FANCC: variants seen among roughly 807,000 people sequenced by gnomAD.
FANCC encodes the protein Fanconi anemia group C protein.
FANCC carries 55 observed loss-of-function variants against 71.3 expected under a neutral mutation model. That is an observed-to-expected ratio of 0.77 (90% CI 0.62 to 0.97). The LOEUF is 0.97. FANCC is among the 50% of genes least tolerant of loss of function. The pLI is 0.00. For synonymous variants in FANCC, 275 were observed against 244.9 expected (o/e 1.12, Z -1.15); for missense variants, 678 against 670.9 (o/e 1.01, Z -0.12).
chr9:95,246,669 GGAGA>G (rs1162117101), intron 3 of FANCC, among the ~76,000 whole-genome samples: 2 of 152,156 alleles, frequency 1.3e-5, no homozygotes, highest in African/African-American at 4.8e-5. Flanking sequence ...TGTATTAAAG[GGAGA>G]TGCTGGAGGC....
chr9:95,312,989 C>A (rs1478060452), intron 1 of FANCC, among the ~76,000 whole-genome samples: 4 of 152,188 alleles, frequency 2.6e-5, no homozygotes, highest in Non-Finnish European at 5.9e-5. Context: ...CCACCACAGG[C>A]TCAGTTACAA....
At chr9:95,289,502 G>C (rs1833882792) in intron 1 of FANCC, among the ~76,000 whole-genome samples, 2 of 152,148 alleles carry the variant, frequency 1.3e-5, no homozygotes, top group Non-Finnish European at 2.9e-5. Context: ...ATAATTTCAT[G>C]TGTCATCATC....
chr9:95,237,786 A>G (rs1427865841), intron 4 of FANCC, among the ~76,000 whole-genome samples: 1 of 152,258 alleles, frequency 6.6e-6, no homozygotes, highest in Non-Finnish European at 1.5e-5. Context: ...ACACGTAGAT[A>G]TAAGTGTTAG....
chr9:95,113,353 T>TTC (rs1809076283), intron 12 of FANCC, among the ~76,000 whole-genome samples: 1 of 152,006 alleles, frequency 6.6e-6, no homozygotes, highest in African/African-American at 2.4e-5. Flanking sequence ...AATAAGATAG[T>TTC]CTTAGTAGGC....
chr9:95,199,072 G>A lies in FANCC; in HGVS notation c.346-26925C>T, dbSNP rs1827641424. Among the ~76,000 whole-genome samples the A allele has an allele frequency of 2.6e-5, 4 of 152,048 alleles. No homozygotes were observed. In the Middle Eastern group the frequency reaches 0.01, roughly 388 times the overall value. ...TAAAGGCAATATATGAATTTTTTTT[G>A]AAAGAGTATTTTGAATTTCATTTCA... is the stretch of plus-strand genomic sequence containing the variant. On this transcript the variant is annotated intron_variant, in intron 4 of 14. Coordinates refer to ENST00000289081, the MANE Select transcript of FANCC (RefSeq NM_000136.3).
intron 14 of FANCC, among the ~76,000 whole-genome samples, chr9:95,104,430 T>C (rs2071285014): frequency 6.6e-6 from 1 of 152,160 alleles, no homozygotes; most frequent in Admixed American, 6.5e-5. Flanking sequence ...GGGGATGTGA[T>C]GACAAAGCAC....
Position 95,289,009 on chromosome 9 carries a change from G to C in FANCC, c.-79+28517C>G, listed in dbSNP as rs547487420. On this transcript the variant is annotated intron_variant, in intron 1 of 14. Transcript: ENST00000289081. ...CTAGCTGCTTGGGAGGCTGAGGAGG[G>C]AGGGCTGCTTGAGCCCATGAGTTTG... 9.9e-5 allele frequency among the ~76,000 whole-genome samples: 15 copies of C among 152,210 alleles called. No individual in the cohort carries two copies. In the East Asian group the frequency reaches 2.9e-3, roughly 29 times the overall value.
At chr9:95,173,665 C>T (rs1177544255) in intron 4 of FANCC, among the ~76,000 whole-genome samples, 1 of 152,120 alleles carries the variant, frequency 6.6e-6, no homozygotes, top group Non-Finnish European at 1.5e-5. Flanking sequence ...CCTATAATCA[C>T]AGCACTTTGG....
chr9:95,235,055 A>G (rs533776261), intron 4 of FANCC, among the ~76,000 whole-genome samples: 104 of 152,378 alleles, frequency 6.8e-4, no homozygotes, highest in Non-Finnish European at 1.3e-3. Flanking sequence ...AGAAACACAC[A>G]GAATAATGTT....
chr9:95,201,922 T>TA (rs1391779359), intron 4 of FANCC, among the ~76,000 whole-genome samples: 1 of 152,258 alleles, frequency 6.6e-6, no homozygotes, highest in African/African-American at 2.4e-5. Context: ...AGACTGGTGA[T>TA]ATTGCATTAC....
At chr9:95,126,844 A>G (rs566713964) in intron 8 of FANCC, 3 of 459,426 alleles carry the variant, frequency 6.5e-6, no homozygotes, top group Non-Finnish European at 1.2e-5. Context: ...AGCTCAGGCG[A>G]TCCATAATAC....
At chr9:95,269,058 T>G (rs922057308) in intron 1 of FANCC, among the ~76,000 whole-genome samples, 2 of 152,208 alleles carry the variant, frequency 1.3e-5, no homozygotes, top group African/African-American at 2.4e-5. Context: ...TAGTTGGCTG[T>G]GTCTCTTTCT....
chr9:95,205,519 A>G (rs1828068574), intron 4 of FANCC, among the ~76,000 whole-genome samples: 1 of 152,030 alleles, frequency 6.6e-6, no homozygotes, highest in Admixed American at 6.6e-5. Flanking sequence ...TGTAATATTA[A>G]CTGTTCTTTA....
intron 13 of FANCC, among the ~76,000 whole-genome samples, chr9:95,108,930 G>T: frequency 6.7e-6 from 1 of 148,508 alleles, no homozygotes; most frequent in Non-Finnish European, 1.5e-5. Context: ...TTTGGAGACA[G>T]AGCCTTGCTC....
At chr9:95,188,519 T>A (rs1458511880) in intron 4 of FANCC, among the ~76,000 whole-genome samples, 1 of 152,042 alleles carries the variant, frequency 6.6e-6, no homozygotes, top group African/African-American at 2.4e-5. Flanking sequence ...AGGTCAGGAG[T>A]TCCTAGAAGG....
At chr9:95,134,728 G>C (rs1827408466) in intron 8 of FANCC, among the ~76,000 whole-genome samples, 1 of 152,218 alleles carries the variant, frequency 6.6e-6, no homozygotes, top group Non-Finnish European at 1.5e-5. Context: ...AGTCAGTGGT[G>C]GCGAGGGCCA....
intron 1 of FANCC, among the ~76,000 whole-genome samples, chr9:95,266,775 T>A (rs1446105500): frequency 6.6e-6 from 1 of 151,972 alleles, no homozygotes; most frequent in Non-Finnish European, 1.5e-5. Context: ...TCAGACGGAG[T>A]TTAAGTAACT....
chr9:95,204,148 A>G (rs1489247377), intron 4 of FANCC, among the ~76,000 whole-genome samples: 2 of 152,260 alleles, frequency 1.3e-5, no homozygotes, highest in African/African-American at 4.8e-5. Context: ...CCAGGAAAGT[A>G]AAATAATTTC....
At chr9:95,285,567 A>T (rs982551051) in intron 1 of FANCC, among the ~76,000 whole-genome samples, 2 of 152,194 alleles carry the variant, frequency 1.3e-5, no homozygotes, top group African/African-American at 2.4e-5. Flanking sequence ...AAAATCAGTG[A>T]TTAAAAAATA....
Sources: allele counts gnomAD v4.1 joint callset (sites outside exome capture counted in the v4.1 genomes callset), GRCh38; gene constraint gnomAD v4.1.1; transcripts MANE v1.5; gene names NCBI Gene and HGNC (gene_info 2026-07-23, HGNC 2026-07-21).